The following MIS18A variants were observed in gnomAD, a reference collection of about 807,000 sequenced individuals.
MIS18A encodes MIS18 kinetochore protein A.
Under a neutral mutation model 25.0 loss-of-function variants are expected in MIS18A, and 14 were observed. That is an observed-to-expected ratio of 0.56 (90% confidence interval 0.37 to 0.88). The LOEUF is 0.88. Among genes scored for constraint, MIS18A ranks in the 40% least tolerant of loss-of-function variants. MIS18A has a pLI of 0.00. For synonymous variants in MIS18A, 134 were observed against 118.6 expected (o/e 1.13, Z -0.84); for missense variants, 292 against 290.8 (o/e 1.00, Z -0.03).
the MIS18A span, among the ~76,000 whole-genome samples, chr21:32,186,964 C>A: frequency 6.6e-6 from 1 of 152,042 alleles, no homozygotes; most frequent in African/African-American, 2.4e-5. Flanking sequence ...GCTGAGTTGG[C>A]CTCATCTGGC....
chr21:32,224,341 C>G, the MIS18A span, among the ~76,000 whole-genome samples: 4 of 150,512 alleles, frequency 2.7e-5, no homozygotes, highest in Middle Eastern at 3.4e-3. Flanking sequence ...TCAAATTGTC[C>G]CTGTTTGCAG....
At chr21:32,175,249 A>G in the MIS18A span, among the ~76,000 whole-genome samples, 2 of 152,294 alleles carry the variant, frequency 1.3e-5, no homozygotes, top group South Asian at 4.1e-4. Context: ...TCAAAATGGT[A>G]CATCCATATA....
chr21:32,191,513 GC>G, the MIS18A span, among the ~76,000 whole-genome samples: 2 of 152,108 alleles, frequency 1.3e-5, no homozygotes, highest in African/African-American at 4.8e-5. Flanking sequence ...GATCATTTGA[GC>G]CCGGGAGTTC....
At chr21:32,249,697 C>G in the MIS18A span, among the ~76,000 whole-genome samples, 1 of 152,094 alleles carries the variant, frequency 6.6e-6, no homozygotes, top group Admixed American at 6.5e-5. Flanking sequence ...AGGAAGCTTC[C>G]ACACATAGGG....
the MIS18A span, among the ~76,000 whole-genome samples, chr21:32,257,580 C>A: frequency 6.6e-6 from 1 of 152,288 alleles, no homozygotes; most frequent in East Asian, 1.9e-4. Context: ...GTTTCCATTT[C>A]AAATCAATAC....
chr21:32,189,340 A>G, the MIS18A span, among the ~76,000 whole-genome samples: 1 of 152,198 alleles, frequency 6.6e-6, no homozygotes, highest in Non-Finnish European at 1.5e-5. Flanking sequence ...GTGCAGTGGC[A>G]TGAGCATGGC....
chr21:32,278,713 C>T lies in MIS18A; in HGVS notation c.302G>A (p.Ser101Asn). Residue 101 changes from serine (S) to asparagine (N), a missense_variant, in exon 1 of 5, where the codon AGC becomes AAC. By Grantham distance (46) the Ser-to-Asn change is conservative. Transcript: ENST00000290130. Reference sequence around the variant, plus strand: ...CAGGATGCAGTTGGTGTCCTCCTGGCTGGCCACCCAGCTCAGCGAGTCGCC... The same window carrying T: ...CAGGATGCAGTTGGTGTCCTCCTGGTTGGCCACCCAGCTCAGCGAGTCGCC... ...PLGDSLSWVA[S>N]QEDTNCILLR... The T allele has an allele frequency of 6.3e-7, 1 of 1,577,634 alleles. No individual in the cohort carries two copies. The highest frequency in any genetic ancestry group is 8.6e-7 in the Non-Finnish European group (1 of 1,168,568).
chr21:32,273,565 A>G (rs2031753095), intron 2 of MIS18A, among the ~76,000 whole-genome samples: 1 of 152,146 alleles, frequency 6.6e-6, no homozygotes, highest in African/African-American at 2.4e-5. Flanking sequence ...TACCCTTATC[A>G]CCCCATCACT....
chr21:32,189,123 C>T, the MIS18A span, among the ~76,000 whole-genome samples: 20 of 164 alleles, frequency 0.12, no homozygotes, highest in South Asian at 0.25. Flanking sequence ...GAAAAGCAGG[C>T]GGTGTGCGGA....
chr21:32,271,037 A>C (rs1277287260), intron 2 of MIS18A, among the ~76,000 whole-genome samples: 1 of 152,212 alleles, frequency 6.6e-6, no homozygotes, highest in African/African-American at 2.4e-5. Flanking sequence ...AATAAAAAAA[A>C]AGTCTCTAAA....
At chr21:32,271,629 G>A (rs1211952033) in intron 2 of MIS18A, among the ~76,000 whole-genome samples, 1 of 152,150 alleles carries the variant, frequency 6.6e-6, no homozygotes, top group East Asian at 1.9e-4. Context: ...TAGTTTTATA[G>A]TAGAAATAGT....
the MIS18A span, among the ~76,000 whole-genome samples, chr21:32,170,419 C>T: frequency 6.6e-6 from 1 of 152,036 alleles, no homozygotes; most frequent in Non-Finnish European, 1.5e-5. Context: ...AACATCACAG[C>T]TGCTTGTGAT....
chr21:32,258,851 TTTATTTATTTATTTATTTATTTATTTAC>T, the MIS18A span, among the ~76,000 whole-genome samples: 12 of 125,482 alleles, frequency 9.6e-5, no homozygotes, highest in African/African-American at 4.3e-4. Context: ...TATTTATTTA[TTTATTTATTTATTTATTTATTTATTTAC>T]TTACTTACTT....
the MIS18A span, among the ~76,000 whole-genome samples, chr21:32,201,235 G>A: frequency 3.3e-5 from 5 of 151,816 alleles, no homozygotes; most frequent in Non-Finnish European, 5.9e-5. Context: ...ATGGGGATCC[G>A]CCCCTATGAC....
chr21:32,204,469 C>A, the MIS18A span, among the ~76,000 whole-genome samples: 1 of 151,466 alleles, frequency 6.6e-6, no homozygotes, highest in African/African-American at 2.4e-5. Flanking sequence ...CGCACTCCAG[C>A]CTGGGTGACA....
At chr21:32,209,970 C>A in the MIS18A span, among the ~76,000 whole-genome samples, 1 of 152,162 alleles carries the variant, frequency 6.6e-6, no homozygotes, top group East Asian at 1.9e-4. Context: ...TGGACTAATA[C>A]AGAAATCAAA....
At chr21:32,236,989 C>T in the MIS18A span, among the ~76,000 whole-genome samples, 1 of 152,156 alleles carries the variant, frequency 6.6e-6, no homozygotes, top group African/African-American at 2.4e-5. Flanking sequence ...CACCCCAATT[C>T]ATTGCCTCCA....
chr21:32,254,801 T>C, the MIS18A span, among the ~76,000 whole-genome samples: 1 of 152,146 alleles, frequency 6.6e-6, no homozygotes, highest in East Asian at 1.9e-4. Context: ...GCCTCAGTTC[T>C]CCCACCAAAT....
the MIS18A span, among the ~76,000 whole-genome samples, chr21:32,205,174 G>A: frequency 2.3e-5 from 3 of 132,146 alleles, no homozygotes; most frequent in Middle Eastern, 5.3e-3. Context: ...GCTCGATCTC[G>A]GCTCACTGCA....
Sources: gnomAD v4.1 joint callset for allele counts (sites outside exome capture counted in the v4.1 genomes callset) on GRCh38, gnomAD v4.1.1 for gene constraint, MANE v1.5 for transcripts, NCBI Gene and HGNC (gene_info 2026-07-23, HGNC 2026-07-21) for gene names.